SRD5A3: variants seen among roughly 807,000 people sequenced by gnomAD.
SRD5A3 encodes the protein polyprenal reductase.
A neutral mutation model predicts 34.3 loss-of-function variants in SRD5A3; 24 were observed. The observed-to-expected ratio is 0.70, with a 90% CI of 0.51 to 0.99. The LOEUF (loss-of-function observed/expected upper bound fraction) is 0.99. Ranked by LOEUF, SRD5A3 falls within the 50% of genes least tolerant of loss-of-function variation. The pLI is 0.00. For missense variants in SRD5A3, 350 were observed against 388.2 expected, an observed-to-expected ratio of 0.90 and a Z score of 0.83; for synonymous variants, 161 against 167.3, an observed-to-expected ratio of 0.96 and a Z score of 0.29.
chr4:55,350,230 C>A (rs1719136992), intron 1 of SRD5A3, among the ~76,000 whole-genome samples: 1 of 152,006 alleles, frequency 6.6e-6, no homozygotes, highest in Admixed American at 6.6e-5. Context: ...ATTAGCTGGG[C>A]ATGGTGGCGA....
At chr4:55,359,715 C>T (rs1042452632) in intron 2 of SRD5A3, among the ~76,000 whole-genome samples, 7 of 152,164 alleles carry the variant, frequency 4.6e-5, no homozygotes, top group African/African-American at 1.4e-4. Context: ...AGTTAGCGCT[C>T]CTGACTTCCC....
chr4:55,349,464 C>T (rs11133373), intron 1 of SRD5A3, among the ~76,000 whole-genome samples: 6 of 151,756 alleles, frequency 4.0e-5, no homozygotes, highest in Non-Finnish European at 7.4e-5. Flanking sequence ...TTTTTTCTTT[C>T]CTACGGAGGC....
rs1356163218 is a variant in SRD5A3, at chr4:55,346,526, G to A, written c.190G>A (p.Ala64Thr). ...CAAGTGTGGGGAGCCGTCGCGCCCC[G>A]CCGCCTGCCGAGCCTTTGATGTCCC... ...KTKCGEPSRP[A>T]ACRAFDVPKR... The change falls in exon 1 of 5, where the codon GCC (alanine) becomes ACC (threonine). Residue 64 changes from alanine (A) to threonine (T), a missense_variant. Physicochemically the swap from Ala to Thr is moderately conservative, Grantham distance 58 (BLOSUM62 0). Transcript: ENST00000264228. 2 of 1,596,484 alleles carry A rather than the reference G, an allele frequency of 1.3e-6. No homozygotes were observed. The highest frequency in any genetic ancestry group is 1.7e-5 in the Admixed American group (1 of 58,492).
chr4:55,356,241 T>G (rs984006870), intron 1 of SRD5A3, among the ~76,000 whole-genome samples: 2 of 152,078 alleles, frequency 1.3e-5, no homozygotes, highest in African/African-American at 2.4e-5. Flanking sequence ...ACTCCCGACC[T>G]CAGGTAATCC....
At chr4:55,364,041 G>A (rs765413862) in intron 2 of SRD5A3, 33 bp from the exon 3 acceptor site, 1 of 1,610,442 alleles carries the variant, frequency 6.2e-7, no homozygotes, top group East Asian at 2.2e-5. Context: ...TCCCAGAAGA[G>A]AAATGCTGAC....
chr4:55,359,571 T>C, intron 2 of SRD5A3, 83 bp downstream of exon 2: 1 of 1,581,878 alleles, frequency 6.3e-7, no homozygotes, highest in East Asian at 2.2e-5. Context: ...TGGCATTTTG[T>C]CTCCTCTCTC....
Position 55,359,812 on chromosome 4 carries a change from C to T in SRD5A3, c.364+324C>T, listed in dbSNP as rs566145299. Reference sequence around the variant, plus strand: ...ATAAATTTATGAAGAAGTCTTTACACAAAAGGGGGAAAGCTTTTAGGATCT... The same window carrying T: ...ATAAATTTATGAAGAAGTCTTTACATAAAAGGGGGAAAGCTTTTAGGATCT... On this transcript the variant is annotated intron_variant, in intron 2 of 4. Coordinates refer to ENST00000264228, the MANE Select transcript of SRD5A3 (RefSeq NM_024592.5). Among the ~76,000 whole-genome samples the T allele has an allele frequency of 5.0e-4, 76 of 152,302 alleles. 1 individual carries two copies. The highest frequency in any genetic ancestry group is 4.8e-3 in the Admixed American group (73 of 15,294).
chr4:55,357,885 G>C (rs929635831), intron 1 of SRD5A3, among the ~76,000 whole-genome samples: 1 of 152,168 alleles, frequency 6.6e-6, no homozygotes. Flanking sequence ...GATAGAATTT[G>C]CTAACAGTAA....
At chr4:55,359,091 T>C (rs1055089170) in intron 1 of SRD5A3, 1 of 467,124 alleles carries the variant, frequency 2.1e-6, no homozygotes, top group Non-Finnish European at 3.9e-6. Flanking sequence ...AACTTTATTC[T>C]AAGTTTAACA....
At chr4:55,358,084 T>C (rs1241552770) in intron 1 of SRD5A3, among the ~76,000 whole-genome samples, 1 of 152,192 alleles carries the variant, frequency 6.6e-6, no homozygotes, top group Admixed American at 6.5e-5. Flanking sequence ...CACAGACTAA[T>C]GAGAAAAAGA....
rs267607095 is a variant in SRD5A3 at position 55,364,133 on chromosome 4, C to T, written c.424C>T (p.Arg142Ter). Reference sequence around the variant, plus strand: ...AGTATTTCTGTGGCTGCACAGCTTACGAAGACTCTTCGAGTGCCTCTACGT... The same window carrying T: ...AGTATTTCTGTGGCTGCACAGCTTATGAAGACTCTTCGAGTGCCTCTACGT... The part of the protein sequence containing the change: ...VLVFLWLHSL[R>*]RLFECLYVSV... The change falls in exon 3 of 5, where the codon CGA becomes TGA. Residue 142 changes from arginine to a stop codon, truncating the protein, a stop_gained. Transcript: ENST00000264228. LOFTEE classifies it high-confidence loss of function. 3.7e-6 allele frequency: 6 copies of T among 1,614,192 alleles called. No homozygotes were observed. The highest frequency in any genetic ancestry group is 2.2e-5 in the East Asian group (1 of 44,880).
In SRD5A3 at chr4:55,346,255, T is replaced by G; in HGVS notation, c.-82T>G. ...CGACGTCCCGCTAGGCTGAGACCGG[T>G]GCGCCGCGCGCTAGTGGCCGCTCTT... On this transcript the variant is annotated 5_prime_UTR_variant, in exon 1 of 5. Coordinates refer to ENST00000264228, the MANE Select transcript of SRD5A3 (RefSeq NM_024592.5). 8.4e-7 allele frequency: 1 copy of G among 1,185,826 alleles called. No homozygotes were observed. The highest frequency in any genetic ancestry group is 2.0e-5 in the South Asian group (1 of 49,440). The allele number at this position is 1,185,826 out of a possible 1,614,324, so 73.5% of individuals were successfully genotyped here. A position where few individuals can be genotyped will look rare whatever the true frequency, so the allele number is the denominator to read the frequency against.
chr4:55,347,497 GC>G (rs1719039201), intron 1 of SRD5A3, among the ~76,000 whole-genome samples: 1 of 152,158 alleles, frequency 6.6e-6, no homozygotes, highest in Non-Finnish European at 1.5e-5. Flanking sequence ...GGGCTTGGTG[GC>G]GTGTGCCTGT....
At chr4:55,354,510 G>A (rs902357981) in intron 1 of SRD5A3, among the ~76,000 whole-genome samples, 1 of 152,122 alleles carries the variant, frequency 6.6e-6, no homozygotes, top group African/African-American at 2.4e-5. Flanking sequence ...CTACCTTACT[G>A]ACTTTGTCTC....
intron 1 of SRD5A3, chr4:55,351,670 G>C (rs751418280): frequency 5.1e-5 from 14 of 276,424 alleles, no homozygotes; most frequent in Non-Finnish European, 7.8e-5. Flanking sequence ...AAAAAAAAAG[G>C]GGTGAGCATA....
chr4:55,359,161 C>A, intron 1 of SRD5A3, 185 bp from the exon 2 acceptor site: 1 of 712,110 alleles, frequency 1.4e-6, no homozygotes, highest in East Asian at 2.8e-5. Flanking sequence ...GTTAACTGGT[C>A]CCGTTATTTG....
chr4:55,362,537 C>T (rs1165460692), intron 2 of SRD5A3, among the ~76,000 whole-genome samples: 1 of 152,060 alleles, frequency 6.6e-6, no homozygotes, highest in African/African-American at 2.4e-5. Context: ...TCACTGCAGC[C>T]TTTAACTCCT....
rs190858542 is a variant in SRD5A3, at chr4:55,354,676, C to T, written c.222-4670C>T. Among the ~76,000 whole-genome samples, 804 of 152,310 alleles carry T rather than the reference C, an allele frequency of 5.3e-3. 2 individuals are homozygous for T. Among genetic ancestry groups the T allele is most frequent in the South Asian group, 0.014 (67 of 4,820 alleles). On this transcript the variant is annotated intron_variant, in intron 1 of 4. Coordinates refer to ENST00000264228, the MANE Select transcript of SRD5A3 (RefSeq NM_024592.5). Reference sequence around the variant, plus strand: ...TTGCTGTAATTCTACTCAAATATTACCTTCTCAGTGAGGCCCCTCCCTGTC... The same window carrying T: ...TTGCTGTAATTCTACTCAAATATTATCTTCTCAGTGAGGCCCCTCCCTGTC...
intron 1 of SRD5A3, 56 bp from the exon 2 acceptor site, chr4:55,359,290 T>C (rs1458670363): frequency 1.9e-6 from 3 of 1,608,900 alleles, no homozygotes; most frequent in Non-Finnish European, 2.5e-6. Context: ...TCTTCCCGTA[T>C]AAGAGCTTGA....
Sources: gnomAD v4.1 joint callset for allele counts (sites outside exome capture counted in the v4.1 genomes callset) on GRCh38, gnomAD v4.1.1 for gene constraint, MANE v1.5 for transcripts, NCBI Gene and HGNC (gene_info 2026-07-23, HGNC 2026-07-21) for gene names.